The following SHROOM2 variants were observed in gnomAD, a reference collection of about 807,000 sequenced individuals.
The protein encoded by SHROOM2 is protein Shroom2.
In SHROOM2, 33 loss-of-function variants were observed where a neutral mutation model predicts 75.9. The observed-to-expected ratio is 0.43, with a 90% CI of 0.33 to 0.58. The LOEUF (loss-of-function observed/expected upper bound fraction) is 0.58. Among genes scored for constraint, SHROOM2 ranks in the 20% least tolerant of loss-of-function variants. The pLI is 0.04. For synonymous variants in SHROOM2, 655 were observed against 663.6 expected (o/e 0.99, Z 0.20); for missense variants, 1,434 against 1,461.2 (o/e 0.98, Z 0.30).
chrX:9,947,202 G>T lies in SHROOM2; in HGVS notation c.*265G>T, dbSNP rs1297650893. Reference sequence around the variant, plus strand: ...GCTCTGCTGGATGTGAGTTTCCACTGCATGGGCTGTGGGCTGGGCCTGTGG... The same window carrying T: ...GCTCTGCTGGATGTGAGTTTCCACTTCATGGGCTGTGGGCTGGGCCTGTGG... On this transcript the variant is annotated 3_prime_UTR_variant, in exon 10 of 10. Transcript: ENST00000380913. The T allele has an allele frequency of 2.7e-6, 1 of 372,704 alleles. No individual in the cohort carries two copies. The highest frequency in any genetic ancestry group is 4.6e-6 in the Non-Finnish European group (1 of 217,399). 30.7% of individuals were successfully genotyped at this position (372,704 alleles called of 1,213,427 possible).
At chrX:9,790,176 C>T (rs1049512505) in intron 1 of SHROOM2, among the ~76,000 whole-genome samples, 3 of 111,917 alleles carry the variant, frequency 2.7e-5, no homozygotes, top group Non-Finnish European at 5.6e-5. Context: ...AGGGCTGAGA[C>T]TGGTGGTTGG....
At chrX:9,858,619 T>C (rs2084085579) in intron 1 of SHROOM2, among the ~76,000 whole-genome samples, 1 of 110,869 alleles carries the variant, frequency 9.0e-6, no homozygotes, top group Admixed American at 9.6e-5. Context: ...TTGGCCAACA[T>C]GGTGAAACCC....
At chrX:9,898,896 G>C (rs2084349754) in intron 5 of SHROOM2, among the ~76,000 whole-genome samples, 1 of 109,920 alleles carries the variant, frequency 9.1e-6, no homozygotes, top group Non-Finnish European at 1.9e-5. Flanking sequence ...CATAATTCCA[G>C]AATGTGCGCC....
intron 1 of SHROOM2, among the ~76,000 whole-genome samples, chrX:9,854,829 G>T (rs1244457354): frequency 9.1e-6 from 1 of 110,293 alleles, no homozygotes; most frequent in African/African-American, 3.3e-5. Flanking sequence ...ACAGAAACAC[G>T]GGAGTTGGGC....
At position 9,920,207 on chromosome X, in the gene SHROOM2, T is replaced by C. The variant is rs773412744; in HGVS notation, c.2892-11968T>C. Among the ~76,000 whole-genome samples, 84 of 112,283 alleles carry C rather than the reference T, an allele frequency of 7.5e-4. 2 individuals are homozygous for C. The South Asian group carries it at 0.026, about 35-fold the overall frequency. On this transcript the variant is annotated intron_variant, in intron 5 of 9. Coordinates refer to ENST00000380913, the MANE Select transcript of SHROOM2 (RefSeq NM_001649.4). Reference sequence around the variant, plus strand: ...GTATATCTCAACTCACCACAACTCATCAGACAGACATCTCAGCTCACTACA... The same window carrying C: ...GTATATCTCAACTCACCACAACTCACCAGACAGACATCTCAGCTCACTACA...
intron 1 of SHROOM2, among the ~76,000 whole-genome samples, chrX:9,870,134 G>A (rs973033497): frequency 2.7e-5 from 3 of 111,659 alleles, no homozygotes; most frequent in Non-Finnish European, 5.6e-5. Context: ...ACTGAGATGG[G>A]AGAATTGCTT....
intron 2 of SHROOM2, among the ~76,000 whole-genome samples, chrX:9,875,110 A>AAAAG (rs2084192753): frequency 4.3e-5 from 4 of 93,128 alleles, no homozygotes; most frequent in African/African-American, 8.2e-5. Context: ...AAAAAAAAAA[A>AAAAG]GGGGAGGAAG....
In SHROOM2 at chrX:9,917,119, A is replaced by G. The variant is rs184312147; in HGVS notation, c.2892-15056A>G. ...TGGTAGAAAAATTGTCTCTGTGGAA[A>G]AATTAAGAAGTGCCCAGCTTTCCGA... On this transcript the variant is annotated intron_variant, in intron 5 of 9. Transcript: ENST00000380913. 2.7e-5 allele frequency among the ~76,000 whole-genome samples: 3 copies of G among 111,612 alleles called. No individual in the cohort carries two copies. The East Asian group carries it at 8.5e-4, about 32-fold the overall frequency.
chrX:9,831,887 A>C (rs996676634), intron 1 of SHROOM2, among the ~76,000 whole-genome samples: 1 of 108,931 alleles, frequency 9.2e-6, no homozygotes, highest in African/African-American at 3.4e-5. Context: ...TGACATAATC[A>C]CCTCCCAAAG....
rs1009433101 is a variant in SHROOM2 at position 9,896,602 on chromosome X, G to T, written c.2694G>T (p.Ala898=). The part of the protein sequence containing the change: ...EARSSGRCHS[A]DDILDVSLDP... The stretch of plus-strand genomic sequence containing the variant: ...GGAGCTCTGGGCGCTGCCACTCAGC[G>T]GATGACATCCTGGATGTGAGCCTGG... The change falls in exon 4 of 10, where the codon GCG becomes GCT. Residue 898 remains alanine, a synonymous_variant. Coordinates refer to ENST00000380913, the MANE Select transcript of SHROOM2 (RefSeq NM_001649.4). 2.5e-6 allele frequency: 3 copies of T among 1,210,129 alleles called. No homozygotes were observed. In the South Asian group the frequency reaches 5.3e-5, roughly 21 times the overall value.
chrX:9,892,029 G>T lies in SHROOM2; in HGVS notation c.449+921G>T, dbSNP rs1189595524. On this transcript the variant is annotated intron_variant, in intron 3 of 9. Transcript: ENST00000380913. ...AATCCCAACACTTTGGGAAGCTAAG[G>T]TGGGAAGATTGTTTGAGTTCAAGAC... is the stretch of plus-strand genomic sequence containing the variant. 1.8e-5 allele frequency among the ~76,000 whole-genome samples: 2 copies of T among 110,300 alleles called. 1 individual carries two copies. The highest frequency in any genetic ancestry group is 5.7e-4 in the East Asian group (2 of 3,514).
intron 1 of SHROOM2, among the ~76,000 whole-genome samples, chrX:9,807,218 T>C (rs2083758770): frequency 8.9e-6 from 1 of 112,093 alleles, no homozygotes; most frequent in Non-Finnish European, 1.9e-5. Flanking sequence ...TCGCCATGCC[T>C]AGCGCATAAC....
chrX:9,864,279 G>C (rs1450107406), intron 1 of SHROOM2, among the ~76,000 whole-genome samples: 1 of 111,303 alleles, frequency 9.0e-6, no homozygotes, highest in African/African-American at 3.3e-5. Flanking sequence ...TTAACAGAGA[G>C]ATTAGGAAAA....
At chrX:9,826,129 G>C (rs188917632) in intron 1 of SHROOM2, among the ~76,000 whole-genome samples, 154 of 112,289 alleles carry the variant, frequency 1.4e-3, no homozygotes, top group African/African-American at 4.7e-3. Flanking sequence ...AGGTTCTTCG[G>C]GGGCTAATGT....
intron 6 of SHROOM2, among the ~76,000 whole-genome samples, chrX:9,936,193 C>G (rs2084703861): frequency 9.1e-6 from 1 of 110,440 alleles, no homozygotes; most frequent in Non-Finnish European, 1.9e-5. Flanking sequence ...CTCACTGCAA[C>G]TTCTGCTTCC....
intron 1 of SHROOM2, among the ~76,000 whole-genome samples, chrX:9,807,956 C>T (rs2083764673): frequency 9.0e-6 from 1 of 111,721 alleles, no homozygotes; most frequent in African/African-American, 3.3e-5. Flanking sequence ...GACTTGTGAC[C>T]ATCCTGGGTG....
intron 2 of SHROOM2, among the ~76,000 whole-genome samples, chrX:9,880,524 T>C (rs993887121): frequency 2.7e-5 from 3 of 112,889 alleles, no homozygotes; most frequent in East Asian, 5.6e-4. Context: ...GGCAGAGCCA[T>C]GAGCGATGGC....
At chrX:9,864,093 A>G (rs2084119819) in intron 1 of SHROOM2, among the ~76,000 whole-genome samples, 1 of 110,921 alleles carries the variant, frequency 9.0e-6, no homozygotes, top group Admixed American at 9.7e-5. Context: ...GCGAAACTTC[A>G]GTGTAGATGC....
At chrX:9,846,523 C>T (rs1012623243) in intron 1 of SHROOM2, among the ~76,000 whole-genome samples, 1 of 111,631 alleles carries the variant, frequency 9.0e-6, no homozygotes, top group African/African-American at 3.3e-5. Flanking sequence ...TCTCAATCTC[C>T]TGACCTCGTG....
Sources: allele counts gnomAD v4.1 joint callset (sites outside exome capture counted in the v4.1 genomes callset), GRCh38; gene constraint gnomAD v4.1.1; transcripts MANE v1.5; gene names NCBI Gene and HGNC (gene_info 2026-07-23, HGNC 2026-07-21).